The following RALYL variants were observed in gnomAD, a reference collection of about 807,000 sequenced individuals.
The protein encoded by RALYL is RALY RNA binding protein like, also known as RNA-binding Raly-like protein.
A neutral mutation model predicts 35.1 loss-of-function variants in RALYL; 29 were observed. The ratio of observed to expected loss-of-function variants is 0.83; its 90% CI spans 0.61 to 1.13. The LOEUF is 1.13. RALYL is among the 50% of genes most tolerant of loss of function. The pLI, the probability that RALYL is intolerant of heterozygous loss-of-function variation, is 0.00. For synonymous variants in RALYL, 120 were observed against 127.6 expected (o/e 0.94, Z 0.40); for missense variants, 359 against 360.4 (o/e 1.00, Z 0.03).
At chr8:84,330,033 T>A (rs985905704) in intron 1 of RALYL, among the ~76,000 whole-genome samples, 2 of 126,766 alleles carry the variant, frequency 1.6e-5, no homozygotes, top group Non-Finnish European at 1.8e-5. Flanking sequence ...AATTCATAAA[T>A]ATATTAAATA....
At chr8:84,281,433 G>A (rs971751151) in intron 1 of RALYL, among the ~76,000 whole-genome samples, 14 of 151,670 alleles carry the variant, frequency 9.2e-5, no homozygotes, top group African/African-American at 3.4e-4. Flanking sequence ...AAAGATGTAA[G>A]GTTTTACAAC....
At chr8:84,697,853 G>C (rs763364035) in intron 2 of RALYL, among the ~76,000 whole-genome samples, 2 of 151,990 alleles carry the variant, frequency 1.3e-5, no homozygotes, top group African/African-American at 2.4e-5. Flanking sequence ...TTTTTCTGGA[G>C]TATGAGGATA....
intron 3 of RALYL, among the ~76,000 whole-genome samples, chr8:84,789,041 G>A (rs549603061): frequency 7.2e-4 from 110 of 152,284 alleles, no homozygotes; most frequent in Middle Eastern, 3.4e-3. Flanking sequence ...AGGACATAGC[G>A]TGTGTGAGCT....
At chr8:84,890,346 C>A (rs1843610157) in intron 8 of RALYL, among the ~76,000 whole-genome samples, 1 of 152,034 alleles carries the variant, frequency 6.6e-6, no homozygotes, top group African/African-American at 2.4e-5. Flanking sequence ...AGAGTGATAA[C>A]CTCTGGGGAA....
intron 1 of RALYL, among the ~76,000 whole-genome samples, chr8:84,464,828 C>A (rs1412790670): frequency 3.4e-5 from 5 of 145,454 alleles, no homozygotes; most frequent in African/African-American, 1.3e-4. Flanking sequence ...TTAATGACTG[C>A]CATTCTAACT....
intron 2 of RALYL, among the ~76,000 whole-genome samples, chr8:84,728,512 C>T (rs1161725922): frequency 6.6e-6 from 1 of 151,762 alleles, no homozygotes; most frequent in Non-Finnish European, 1.5e-5. Context: ...TCTTTTGTTG[C>T]CATTGCTTTT....
intron 8 of RALYL, among the ~76,000 whole-genome samples, chr8:84,896,142 T>A (rs1844707160): frequency 6.6e-6 from 1 of 152,252 alleles, no homozygotes; most frequent in African/African-American, 2.4e-5. Flanking sequence ...TGAGAACCAG[T>A]ATGACTCTCT....
chr8:84,651,196 A>G (rs1434124901), intron 2 of RALYL, among the ~76,000 whole-genome samples: 2 of 152,016 alleles, frequency 1.3e-5, no homozygotes, highest in Admixed American at 1.3e-4. Flanking sequence ...CATTGTGCAC[A>G]TGTACCCTAA....
At chr8:84,352,766 A>T (rs1236856524) in intron 1 of RALYL, among the ~76,000 whole-genome samples, 1 of 150,222 alleles carries the variant, frequency 6.7e-6, no homozygotes, top group Non-Finnish European at 1.5e-5. Context: ...TTTTTCACAT[A>T]ATGAAACACA....
chr8:84,578,235 G>A (rs1809955736), intron 2 of RALYL, among the ~76,000 whole-genome samples: 1 of 152,232 alleles, frequency 6.6e-6, no homozygotes, highest in East Asian at 1.9e-4. Context: ...GCCTGCAGCT[G>A]GATTAGATGC....
intron 2 of RALYL, among the ~76,000 whole-genome samples, chr8:84,712,652 T>A (rs1842373590): frequency 6.6e-6 from 1 of 152,080 alleles, no homozygotes; most frequent in Non-Finnish European, 1.5e-5. Context: ...GTGCTGCATT[T>A]ATATCTACAC....
At chr8:84,877,351 G>A (rs1281501077) in intron 7 of RALYL, among the ~76,000 whole-genome samples, 2 of 152,198 alleles carry the variant, frequency 1.3e-5, no homozygotes, top group East Asian at 3.9e-4. Flanking sequence ...GCCGGATGTG[G>A]TGGCACATGC....
At chr8:84,870,103 T>C (rs928658307) in intron 6 of RALYL, among the ~76,000 whole-genome samples, 1 of 152,166 alleles carries the variant, frequency 6.6e-6, no homozygotes, top group African/African-American at 2.4e-5. Context: ...TAAAGTAATT[T>C]GTCCTAGGAA....
intron 1 of RALYL, among the ~76,000 whole-genome samples, chr8:84,384,724 A>G (rs1417081158): frequency 6.6e-6 from 1 of 151,742 alleles, no homozygotes; most frequent in African/African-American, 2.4e-5. Context: ...GATAAGCACC[A>G]TCCTTCGCTC....
At chr8:84,715,200 C>T (rs191554910) in intron 2 of RALYL, among the ~76,000 whole-genome samples, 8 of 151,784 alleles carry the variant, frequency 5.3e-5, no homozygotes, top group African/African-American at 1.9e-4. Context: ...ATAAAATTGA[C>T]AAATATATTG....
intron 1 of RALYL, among the ~76,000 whole-genome samples, chr8:84,241,681 G>A (rs1281851670): frequency 6.6e-6 from 1 of 151,494 alleles, no homozygotes; most frequent in Non-Finnish European, 1.5e-5. Context: ...AGGAGGCTGA[G>A]GCAGGAGAAT....
At chr8:84,671,009 A>C (rs1833101867) in intron 2 of RALYL, among the ~76,000 whole-genome samples, 2 of 152,180 alleles carry the variant, frequency 1.3e-5, no homozygotes, top group Admixed American at 6.5e-5. Flanking sequence ...AATCAAAAGC[A>C]AGTTAGTTAC....
At chr8:84,695,593 A>T (rs911336234) in intron 2 of RALYL, among the ~76,000 whole-genome samples, 2 of 151,844 alleles carry the variant, frequency 1.3e-5, no homozygotes, top group Non-Finnish European at 2.9e-5. Context: ...GATTAAGATG[A>T]TGGCTATTTT....
At chr8:84,375,879 G>A (rs1856807616) in intron 1 of RALYL, among the ~76,000 whole-genome samples, 1 of 151,786 alleles carries the variant, frequency 6.6e-6, no homozygotes, top group Admixed American at 6.6e-5. Context: ...GGCTGATTGA[G>A]AAACACAACT....
Sources: allele counts gnomAD v4.1 joint callset (sites outside exome capture counted in the v4.1 genomes callset), GRCh38; gene constraint gnomAD v4.1.1; transcripts MANE v1.5; gene names NCBI Gene and HGNC (gene_info 2026-07-23, HGNC 2026-07-21).